CRYZL1: variants seen among roughly 807,000 people sequenced by gnomAD.
The protein encoded by CRYZL1 is crystallin zeta like 1, also known as ferry endosomal RAB5 effector complex subunit 4.
Under a neutral mutation model 50.6 loss-of-function variants are expected in CRYZL1, and 34 were observed. The ratio of observed to expected loss-of-function variants is 0.67; its 90% CI spans 0.51 to 0.89. CRYZL1 has a LOEUF of 0.89. Ranked by LOEUF, CRYZL1 falls within the 40% of genes least tolerant of loss-of-function variation. The pLI, the probability that CRYZL1 is intolerant of heterozygous loss-of-function variation, is 0.00. For missense variants in CRYZL1, 354 were observed against 402.3 expected (o/e 0.88, Z 1.03); for synonymous variants, 125 against 134.3 (o/e 0.93, Z 0.48).
At chr21:33,590,038 GAC>G in intron 12 of CRYZL1, 117 bp from the exon 13 acceptor site, 1 of 610,574 alleles carries the variant, frequency 1.6e-6, no homozygotes, top group Non-Finnish European at 2.8e-6. Flanking sequence ...AATTTTTTGA[GAC>G]AGAGTCTGGC....
At position 33,595,188 on chromosome 21, in the gene CRYZL1, C is replaced by T. The variant is rs1250677864; in HGVS notation, c.904+543G>A. 2.7e-6 allele frequency: 3 copies of T among 1,130,122 alleles called. No homozygotes were observed. In the African/African-American group the frequency reaches 4.9e-5, roughly 18 times the overall value. The allele number at this position is 1,130,122 out of a possible 1,614,324, so 70.0% of individuals were successfully genotyped here. ...CTGGAATGATTTGGCTTCAATCACA[C>T]CAGACTTATCTCTGAATGACTTTTG... On this transcript the variant is annotated intron_variant, in intron 11 of 12. Coordinates refer to ENST00000381554, the MANE Select transcript of CRYZL1 (RefSeq NM_145858.3).
At position 33,593,854 on chromosome 21, in the gene CRYZL1, G is replaced by A. The variant is rs1404309665; in HGVS notation, c.904+1877C>T. On this transcript the variant is annotated intron_variant, in intron 11 of 12. Coordinates refer to ENST00000381554, the MANE Select transcript of CRYZL1 (RefSeq NM_145858.3). ...CAAAAAATTAGCCAGGCGTGGTGGC[G>A]CATGTCTGTAATCCCAGCTACTCAG... is the stretch of plus-strand genomic sequence containing the variant. Among the ~76,000 whole-genome samples the A allele has an allele frequency of 5.3e-5, 8 of 151,662 alleles. No individual in the cohort carries two copies. The East Asian group carries it at 5.9e-4, about 11-fold the overall frequency.
chr21:33,629,316 C>T (rs2087109895), intron 2 of CRYZL1, among the ~76,000 whole-genome samples: 1 of 152,186 alleles, frequency 6.6e-6, no homozygotes. Context: ...GGCTGTAGTG[C>T]AGTGGCACAA....
chr21:33,613,650 T>G, intron 5 of CRYZL1, 44 bp from the exon 6 acceptor site: 1 of 1,356,232 alleles, frequency 7.4e-7, no homozygotes, highest in Non-Finnish European at 1.1e-6. Context: ...AGTCAAAAAT[T>G]CATTCCTAAT....
chr21:33,601,644 T>C lies in CRYZL1; in HGVS notation c.577+590A>G, dbSNP rs141912083. Among the ~76,000 whole-genome samples the C allele has an allele frequency of 4.1e-3, 620 of 152,296 alleles. 6 individuals are homozygous for C. The highest frequency in any genetic ancestry group is 0.014 in the African/African-American group (589 of 41,574). On this transcript the variant is annotated intron_variant, in intron 8 of 12. Coordinates refer to ENST00000381554, the MANE Select transcript of CRYZL1 (RefSeq NM_145858.3). ...CACTTAAGTAAACTGGGGCTGGACA[T>C]GGTGGCTCATGCCTGTAATTCCAGC...
At chr21:33,611,169 T>C (rs1032644702) in intron 6 of CRYZL1, among the ~76,000 whole-genome samples, 4 of 152,206 alleles carry the variant, frequency 2.6e-5, no homozygotes, top group African/African-American at 7.2e-5. Flanking sequence ...GGGCCAAAAA[T>C]AGGATAGTTT....
In CRYZL1 at chr21:33,593,982, CAAAAAAAAA is replaced by C. The variant is rs1167158360; in HGVS notation, c.904+1740_904+1748del. On this transcript the variant is annotated intron_variant, in intron 11 of 12. Transcript: ENST00000381554. Reference sequence around the variant, plus strand: ...CCTGGGCAAGAGTGAGACTCTGTCTCAAAAAAAAAAAAAAAAAAAAAAAAAAAATCAAAA... The same window carrying C: ...CCTGGGCAAGAGTGAGACTCTGTCTCAAAAAAAAAAAAAAAAAAATCAAAA... Among the ~76,000 whole-genome samples the C allele has an allele frequency of 2.0e-4, 10 of 48,912 alleles. No individual in the cohort carries two copies. The East Asian group carries it at 4.8e-3, about 23-fold the overall frequency. The allele number at this position is 48,912 out of a possible 152,430, so 32.1% of individuals were successfully genotyped here. A position where few individuals can be genotyped will look rare whatever the true frequency, so the allele number is the denominator to read the frequency against.
At chr21:33,606,344 G>A (rs1019684705) in intron 6 of CRYZL1, among the ~76,000 whole-genome samples, 3 of 152,136 alleles carry the variant, frequency 2.0e-5, no homozygotes, top group South Asian at 4.1e-4. Context: ...TGCTAACTGC[G>A]GCCAGGCAAG....
In CRYZL1 at chr21:33,597,117, G is replaced by A. The variant is rs3761351; in HGVS notation, c.798+163C>T. Among the ~76,000 whole-genome samples the A allele has an allele frequency of 0.38, 58,005 of 151,842 alleles. 11,347 individuals are homozygous for A. The highest frequency in any genetic ancestry group is 0.58 in the East Asian group (3,006 of 5,150). The stretch of plus-strand genomic sequence containing the variant: ...ACTCCTGGCCTCAAGTGATCCGCCC[G>A]CCGCGGCCTCCCATAGTGCTGGACT... On this transcript the variant is annotated intron_variant, in intron 10 of 12. Transcript: ENST00000381554.
intron 6 of CRYZL1, among the ~76,000 whole-genome samples, chr21:33,607,765 A>G (rs747458757): frequency 1.4e-4 from 22 of 152,256 alleles, no homozygotes; most frequent in Non-Finnish European, 2.9e-4. Flanking sequence ...GTTTTCCCCT[A>G]CAAACTTGCC....
chr21:33,630,335 T>C (rs1250896129), intron 2 of CRYZL1, among the ~76,000 whole-genome samples: 1 of 152,142 alleles, frequency 6.6e-6, no homozygotes, highest in Non-Finnish European at 1.5e-5. Context: ...CCTATAATCC[T>C]AGCACTTTGG....
At chr21:33,635,827 A>G (rs1410036262) in intron 1 of CRYZL1, among the ~76,000 whole-genome samples, 16 of 151,886 alleles carry the variant, frequency 1.1e-4, no homozygotes, top group Non-Finnish European at 1.6e-4. Context: ...CTAAAAATAC[A>G]AAAATTAGCT....
Position 33,599,210 on chromosome 21 carries a change from C to G in CRYZL1, c.616G>C (p.Ala206Pro). 1 of 1,613,938 alleles carries G rather than the reference C, an allele frequency of 6.2e-7. No homozygotes were observed. Among genetic ancestry groups the G allele is most frequent in the East Asian group, 2.2e-5 (1 of 44,862 alleles). Residue 206 changes from alanine (A) to proline (P), a missense_variant, in exon 9 of 13, where the codon GCT (alanine) becomes CCT (proline). By Grantham distance (27) the Ala-to-Pro change is conservative (BLOSUM62 -1). Transcript: ENST00000381554. ...IDVSNGKVHV[A>P]ESCLEETGGL... ...CCTGTTTCTTCCAAACAGCTTTCAG[C>G]AACATGAACTTTCCCATTAGATACA... is the stretch of plus-strand genomic sequence containing the variant.
At chr21:33,636,275 C>T (rs1211022589) in intron 1 of CRYZL1, among the ~76,000 whole-genome samples, 1 of 151,890 alleles carries the variant, frequency 6.6e-6, no homozygotes, top group Non-Finnish European at 1.5e-5. Flanking sequence ...GTGGTGCTCA[C>T]CTGTAGTTCT....
At chr21:33,611,172 G>C (rs957253710) in intron 6 of CRYZL1, among the ~76,000 whole-genome samples, 2 of 152,200 alleles carry the variant, frequency 1.3e-5, no homozygotes, top group African/African-American at 4.8e-5. Context: ...CCAAAAATAG[G>C]ATAGTTTCCT....
At chr21:33,625,889 G>A (rs1312955731) in intron 2 of CRYZL1, among the ~76,000 whole-genome samples, 2 of 151,996 alleles carry the variant, frequency 1.3e-5, no homozygotes, top group African/African-American at 4.8e-5. Context: ...TTGAGCTCCT[G>A]GGCTAAAGTG....
At chr21:33,598,178 T>C (rs182163512) in intron 9 of CRYZL1, among the ~76,000 whole-genome samples, 193 of 152,302 alleles carry the variant, frequency 1.3e-3, no homozygotes, top group Admixed American at 2.6e-3. Flanking sequence ...GTGAGATGAA[T>C]TGATTCCCAA....
chr21:33,641,227 C>G (rs1308592284), intron 1 of CRYZL1: 1 of 1,550,650 alleles, frequency 6.4e-7, no homozygotes. Flanking sequence ...GAGGGCCGAT[C>G]TGGCTCAAAA....
At chr21:33,592,722 C>T (rs1207559694) in intron 11 of CRYZL1, among the ~76,000 whole-genome samples, 2 of 152,112 alleles carry the variant, frequency 1.3e-5, no homozygotes, top group African/African-American at 4.8e-5. Context: ...AGGGTTTGCA[C>T]AAGTGAGGAC....
Sources: allele counts gnomAD v4.1 joint callset (sites outside exome capture counted in the v4.1 genomes callset), GRCh38; gene constraint gnomAD v4.1.1; transcripts MANE v1.5; gene names NCBI Gene and HGNC (gene_info 2026-07-23, HGNC 2026-07-21).